Variants in SAXO4 observed in about 807,000 individuals in gnomAD.
SAXO4 encodes the protein protein phosphatase 1 regulatory subunit 32.
At chr11:61,482,723 G>T in the SAXO4 span, 2 of 1,613,996 alleles carry the variant, frequency 1.2e-6, no homozygotes, top group Non-Finnish European at 1.7e-6. Context: ...GTGCCTGACG[G>T]CAAGCATCCC....
chr11:61,488,791 C>G, the SAXO4 span: 1 of 152,630 alleles, frequency 6.6e-6, no homozygotes, highest in African/African-American at 2.4e-5. Context: ...GCTCCAGGCC[C>G]TGGGAATGTG....
the SAXO4 span, among the ~76,000 whole-genome samples, chr11:61,488,525 T>C: frequency 1.3e-5 from 2 of 152,072 alleles, no homozygotes; most frequent in African/African-American, 4.8e-5. Flanking sequence ...AGGATGGTCT[T>C]GATCTCCTGA....
chr11:61,487,481 C>T, the SAXO4 span, among the ~76,000 whole-genome samples: 1 of 152,096 alleles, frequency 6.6e-6, no homozygotes, highest in East Asian at 1.9e-4. Flanking sequence ...GTTACTAGGC[C>T]AGCTATCCCA....
chr11:61,484,586 G>A, the SAXO4 span: 1 of 1,458,036 alleles, frequency 6.9e-7, no homozygotes, highest in Non-Finnish European at 9.3e-7. Context: ...GACCCCCTCT[G>A]GCTGCTCTGC....
the SAXO4 span, chr11:61,485,906 G>T: frequency 1.2e-6 from 2 of 1,612,332 alleles, no homozygotes; most frequent in East Asian, 2.2e-5. Context: ...CCTCCCTGGG[G>T]ACCCTGTAAG....
At chr11:61,490,000 GC>G in the SAXO4 span, 1 of 1,527,738 alleles carries the variant, frequency 6.5e-7, no homozygotes, top group South Asian at 1.2e-5. Context: ...CAGGCCGTGT[GC>G]CAGGCCTTTC....
the SAXO4 span, chr11:61,486,382 C>A: frequency 6.2e-7 from 1 of 1,614,194 alleles, no homozygotes; most frequent in Non-Finnish European, 8.5e-7. Context: ...AGTCAGACTT[C>A]CTCCCCAAGA....
the SAXO4 span, chr11:61,486,711 G>A: frequency 1.8e-5 from 21 of 1,174,770 alleles, no homozygotes; most frequent in South Asian, 2.3e-4. Flanking sequence ...GAAGAATTAG[G>A]ATATTTAGGG....
the SAXO4 span, chr11:61,487,153 C>G: frequency 1.2e-6 from 2 of 1,614,014 alleles, no homozygotes; most frequent in Non-Finnish European, 8.5e-7. Flanking sequence ...CAGGAGCCCA[C>G]AGGGTTCAGC....
the SAXO4 span, chr11:61,482,180 G>A: frequency 1.3e-6 from 1 of 789,130 alleles, no homozygotes. Context: ...GGCTTGCAAA[G>A]CTCCTGCCCG....
chr11:61,489,518 A>G, the SAXO4 span: 1 of 580,060 alleles, frequency 1.7e-6, no homozygotes, highest in Non-Finnish European at 3.1e-6. Flanking sequence ...TCCCCACCCC[A>G]AGGTACTGGC....
chr11:61,485,487 A>G, the SAXO4 span: 3 of 1,178,504 alleles, frequency 2.5e-6, no homozygotes, highest in Non-Finnish European at 3.7e-6. Flanking sequence ...GAGCTGGCCT[A>G]GGACTGAGAA....
At chr11:61,485,683 G>A in the SAXO4 span, 54 of 793,466 alleles carry the variant, frequency 6.8e-5, no homozygotes, top group African/African-American at 8.2e-4. Flanking sequence ...TCCTCATGGC[G>A]CAGGTCTCCA....
the SAXO4 span, chr11:61,485,501 A>C: frequency 9.2e-7 from 1 of 1,082,098 alleles, no homozygotes; most frequent in Admixed American, 2.3e-5. Flanking sequence ...CTGAGAAGGC[A>C]CCAGTGGAAG....
chr11:61,484,273 C>T, the SAXO4 span, among the ~76,000 whole-genome samples: 15 of 152,202 alleles, frequency 9.9e-5, no homozygotes, highest in East Asian at 7.7e-4. Flanking sequence ...AAATTAGAAG[C>T]GAAGGAGTTG....
At chr11:61,485,310 C>G in the SAXO4 span, 1 of 1,608,902 alleles carries the variant, frequency 6.2e-7, no homozygotes. Flanking sequence ...GGGTCAGTGC[C>G]CCCACTCCTC....
the SAXO4 span, chr11:61,485,231 C>T: frequency 2.0e-6 from 2 of 975,858 alleles, no homozygotes; most frequent in Non-Finnish European, 3.2e-6. Flanking sequence ...CTGGCCCACA[C>T]AGGCTTCCTC....
the SAXO4 span, chr11:61,485,959 C>T: frequency 7.6e-7 from 1 of 1,314,442 alleles, no homozygotes; most frequent in Non-Finnish European, 1.1e-6. Flanking sequence ...TTGAAGCCCT[C>T]CAGTCTCAGG....
chr11:61,489,508 T>TCC, the SAXO4 span: 1 of 569,094 alleles, frequency 1.8e-6, no homozygotes, highest in African/African-American at 1.9e-5. Flanking sequence ...TGAGACGGGG[T>TCC]CCCCACCCCA....
Sources: gnomAD v4.1 joint callset for allele counts (sites outside exome capture counted in the v4.1 genomes callset) on GRCh38, gnomAD v4.1.1 for gene constraint, MANE v1.5 for transcripts, NCBI Gene and HGNC (gene_info 2026-07-23, HGNC 2026-07-21) for gene names.